Variants in DPP10 observed in about 807,000 individuals in gnomAD.
The protein encoded by DPP10 is dipeptidyl peptidase like 10.
DPP10 carries 33 observed loss-of-function variants against 120.9 expected under a neutral mutation model. That is an observed-to-expected ratio of 0.27 (90% CI 0.21 to 0.37). DPP10 has a LOEUF of 0.37. Ranked by LOEUF, DPP10 falls within the 10% of genes least tolerant of loss-of-function variation. The pLI is 1.00. For synonymous variants in DPP10, 337 were observed against 326.1 expected (o/e 1.03, Z -0.36); for missense variants, 816 against 942.8 (o/e 0.87, Z 1.76).
At chr2:115,743,512 G>A (rs1350785819) in intron 9 of DPP10, among the ~76,000 whole-genome samples, 1 of 152,090 alleles carries the variant, frequency 6.6e-6, no homozygotes, top group East Asian at 1.9e-4. Context: ...TTTCCCGCTT[G>A]CTTTAATCAG....
At chr2:114,621,710 C>G (rs1031346849) in intron 1 of DPP10, among the ~76,000 whole-genome samples, 1 of 151,864 alleles carries the variant, frequency 6.6e-6, no homozygotes, top group African/African-American at 2.4e-5. Flanking sequence ...TCTCAAAACT[C>G]TCCTCCTCTC....
intron 1 of DPP10, among the ~76,000 whole-genome samples, chr2:115,042,032 C>A (rs1358083896): frequency 4.9e-4 from 30 of 60,970 alleles, no homozygotes; most frequent in African/African-American, 1.4e-3. Flanking sequence ...TTTTTTTTTG[C>A]AATAAGTAAC....
chr2:115,590,272 CTCG>C (rs1427294092), intron 5 of DPP10, among the ~76,000 whole-genome samples: 1 of 151,768 alleles, frequency 6.6e-6, no homozygotes, highest in Non-Finnish European at 1.5e-5. Flanking sequence ...CACCTGTTAC[CTCG>C]TCATTTACAT....
chr2:115,032,216 C>T (rs1012918127), intron 1 of DPP10, among the ~76,000 whole-genome samples: 1 of 150,616 alleles, frequency 6.6e-6, no homozygotes, highest in Non-Finnish European at 1.5e-5. Context: ...ACCAAAATGC[C>T]AAGAATATAC....
intron 1 of DPP10, among the ~76,000 whole-genome samples, chr2:114,735,441 A>T (rs888066670): frequency 6.6e-6 from 1 of 152,174 alleles, no homozygotes; most frequent in African/African-American, 2.4e-5. Flanking sequence ...ACTCTAGAAA[A>T]TGTAAAAATC....
chr2:114,481,182 A>G (rs1430724896), intron 1 of DPP10, among the ~76,000 whole-genome samples: 3 of 152,138 alleles, frequency 2.0e-5, no homozygotes, highest in African/African-American at 7.2e-5. Context: ...TACGTATTCA[A>G]TGAAGGACTA....
At chr2:114,859,972 C>T (rs1446930146) in intron 1 of DPP10, among the ~76,000 whole-genome samples, 1 of 152,188 alleles carries the variant, frequency 6.6e-6, no homozygotes, top group African/African-American at 2.4e-5. Context: ...CAAGCTTATG[C>T]ATTTCTAATA....
chr2:115,824,797 A>G (rs770918956), intron 21 of DPP10, among the ~76,000 whole-genome samples: 1 of 152,186 alleles, frequency 6.6e-6, no homozygotes, highest in Non-Finnish European at 1.5e-5. Flanking sequence ...AAAGTGATTA[A>G]GGAATAGAAT....
chr2:115,027,972 A>G (rs1336162536), intron 1 of DPP10, among the ~76,000 whole-genome samples: 1 of 151,826 alleles, frequency 6.6e-6, no homozygotes, highest in Non-Finnish European at 1.5e-5. Flanking sequence ...TTCATTTCTA[A>G]TTTTACTTAA....
intron 1 of DPP10, among the ~76,000 whole-genome samples, chr2:115,238,209 G>A (rs2058094238): frequency 6.6e-6 from 1 of 152,164 alleles, no homozygotes; most frequent in South Asian, 2.1e-4. Flanking sequence ...AAACCCTAAG[G>A]ACCTTAAGAG....
At chr2:115,035,860 C>T (rs565695059) in intron 1 of DPP10, among the ~76,000 whole-genome samples, 1 of 152,262 alleles carries the variant, frequency 6.6e-6, no homozygotes, top group African/African-American at 2.4e-5. Flanking sequence ...CTCTTGTATT[C>T]GAATGTTCCT....
intron 1 of DPP10, among the ~76,000 whole-genome samples, chr2:114,567,236 C>T (rs1350566821): frequency 1.3e-5 from 2 of 152,156 alleles, no homozygotes; most frequent in Non-Finnish European, 2.9e-5. Flanking sequence ...AGAATAATAG[C>T]CCCCTAAAGA....
chr2:114,462,088 A>G (rs1678966646), intron 1 of DPP10: 9 of 985,320 alleles, frequency 9.1e-6, no homozygotes, highest in Non-Finnish European at 9.6e-6. Context: ...AGGATGATCA[A>G]TGCAAATGGA....
chr2:114,892,266 C>A (rs567279965), intron 1 of DPP10, among the ~76,000 whole-genome samples: 10 of 152,284 alleles, frequency 6.6e-5, no homozygotes, highest in African/African-American at 2.4e-4. Flanking sequence ...AAACCATGTA[C>A]ATCAGTGTGG....
intron 5 of DPP10, among the ~76,000 whole-genome samples, chr2:115,636,279 A>T (rs1406805364): frequency 1.3e-5 from 2 of 152,174 alleles, no homozygotes; most frequent in Non-Finnish European, 2.9e-5. Context: ...GGAAAACATC[A>T]ACTATTTTAA....
At chr2:115,140,338 C>A (rs1222711708) in intron 1 of DPP10, among the ~76,000 whole-genome samples, 1 of 152,072 alleles carries the variant, frequency 6.6e-6, no homozygotes, top group African/African-American at 2.4e-5. Flanking sequence ...TGTTTAAGGA[C>A]CAGCAAGGCA....
intron 2 of DPP10, among the ~76,000 whole-genome samples, chr2:115,326,792 A>G (rs1317973404): frequency 6.6e-6 from 1 of 152,108 alleles, no homozygotes; most frequent in East Asian, 1.9e-4. Context: ...TTCAGTTGTC[A>G]AATGTGTTTT....
chr2:115,165,704 C>T (rs2052783413), intron 1 of DPP10, among the ~76,000 whole-genome samples: 1 of 152,120 alleles, frequency 6.6e-6, no homozygotes, highest in South Asian at 2.1e-4. Flanking sequence ...AGTTTGTTCA[C>T]ATTTCCACCA....
intron 1 of DPP10, among the ~76,000 whole-genome samples, chr2:114,574,392 A>T (rs778681447): frequency 6.6e-6 from 1 of 152,156 alleles, no homozygotes; most frequent in Admixed American, 6.5e-5. Flanking sequence ...CCACTCTCCT[A>T]AAGACCCGTC....
Sources: gnomAD v4.1 joint callset for allele counts (sites outside exome capture counted in the v4.1 genomes callset) on GRCh38, gnomAD v4.1.1 for gene constraint, MANE v1.5 for transcripts, NCBI Gene and HGNC (gene_info 2026-07-23, HGNC 2026-07-21) for gene names.